The following PEAK1 variants were observed in gnomAD, a reference collection of about 807,000 sequenced individuals.
The protein encoded by PEAK1 is inactive tyrosine-protein kinase PEAK1.
In PEAK1, 54 loss-of-function variants were observed where a neutral mutation model predicts 124.7. The observed-to-expected ratio is 0.43, with a 90% CI of 0.35 to 0.54. The LOEUF is 0.54. PEAK1 is among the 20% of genes least tolerant of loss of function. The probability of loss-of-function intolerance (pLI) is 0.01; values close to 1 mark genes in which losing one functional copy is unlikely to be tolerated. For missense variants in PEAK1, 2,046 were observed against 2,134.5 expected (o/e 0.96, Z 0.82); for synonymous variants, 719 against 760.0 (o/e 0.95, Z 0.89).
chr15:77,220,055 T>C (rs998858380), intron 6 of PEAK1, among the ~76,000 whole-genome samples: 1 of 152,060 alleles, frequency 6.6e-6, no homozygotes, highest in African/African-American at 2.4e-5. Flanking sequence ...GCAATTTAGG[T>C]ATGACAAAAG....
chr15:77,247,455 ATTT>A (rs754252225), intron 6 of PEAK1, among the ~76,000 whole-genome samples: 59 of 100,196 alleles, frequency 5.9e-4, no homozygotes, highest in Non-Finnish European at 1.1e-3. Flanking sequence ...GGGGTTTTTA[ATTT>A]TTTTTTTCTC....
At chr15:77,230,336 A>T (rs2059856573) in intron 6 of PEAK1, among the ~76,000 whole-genome samples, 1 of 151,958 alleles carries the variant, frequency 6.6e-6, no homozygotes, top group Admixed American at 6.6e-5. Flanking sequence ...AGTAGCTGGG[A>T]TTACAGGTGT....
rs576025835 is a variant in PEAK1 at position 77,231,643 on chromosome 15, A to G, written c.-115+20724T>C. 2.0e-5 allele frequency among the ~76,000 whole-genome samples: 3 copies of G among 152,310 alleles called. No individual in the cohort carries two copies. In the South Asian group the frequency reaches 6.2e-4, roughly 32 times the overall value. On this transcript the variant is annotated intron_variant, in intron 6 of 9. Transcript: ENST00000682557. Reference sequence around the variant, plus strand: ...ATTTTCTTTTCAGATATGGTCAAAAACTTCAAATTTGAAAAATAAATATAG... The same window carrying G: ...ATTTTCTTTTCAGATATGGTCAAAAGCTTCAAATTTGAAAAATAAATATAG...
intron 2 of PEAK1, chr15:77,336,214 A>G (rs1450874556): frequency 2.0e-6 from 2 of 985,304 alleles, no homozygotes; most frequent in Admixed American, 6.1e-5. Context: ...AATCAGCCTC[A>G]TTCATGTTTG....
In PEAK1 at chr15:77,133,007, T is replaced by G; in HGVS notation, c.4075A>C (p.Lys1359Gln). ...AKDPLNNYAV[K>Q]ICKSKAKESQ... is the part of the protein sequence containing the mutation. ...TGAGATTTATAATATTTTCTTACCT[T>G]GACTGCATAGTTATTAAGTGGATCT... is the stretch of plus-strand genomic sequence containing the variant. Residue 1359 changes from lysine (K) to glutamine (Q), a missense_variant and splice_region_variant, in exon 9 of 10, where the codon AAG (lysine) becomes CAG (glutamine). Physicochemically the swap from Lys to Gln is moderately conservative, Grantham distance 53. Coordinates refer to ENST00000682557, the MANE Select transcript of PEAK1 (RefSeq NM_001385026.1). This position sits in a 1 kb window ranked among gnomAD's most constrained non-coding sequence, Gnocchi z 4.2. 1 of 1,603,678 alleles carries G rather than the reference T, an allele frequency of 6.2e-7. No homozygotes were observed. The highest frequency in any genetic ancestry group is 1.1e-5 in the South Asian group (1 of 90,676).
At chr15:77,378,329 ATCTC>A (rs1017680638) in intron 1 of PEAK1, among the ~76,000 whole-genome samples, 1 of 151,952 alleles carries the variant, frequency 6.6e-6, no homozygotes, top group Admixed American at 6.6e-5. Context: ...TTGAAAGATC[ATCTC>A]TCTCTCTTTG....
intron 2 of PEAK1, among the ~76,000 whole-genome samples, chr15:77,312,098 AG>A (rs1391428144): frequency 6.6e-6 from 1 of 152,152 alleles, no homozygotes; most frequent in Admixed American, 6.5e-5. Context: ...AATTTTTACA[AG>A]GTAGGAAAAA....
intron 2 of PEAK1, among the ~76,000 whole-genome samples, chr15:77,326,665 A>G (rs2065594376): frequency 6.6e-6 from 1 of 152,106 alleles, no homozygotes; most frequent in Admixed American, 6.6e-5. Flanking sequence ...TATCCTAGCA[A>G]TGTTGAAAAA....
rs928591098 is a variant in PEAK1 at position 77,417,462 on chromosome 15, G to C, written c.-666+2544C>G. The C allele has an allele frequency of 1.2e-4, 98 of 822,708 alleles. 1 individual carries two copies. In the East Asian group the frequency reaches 3.1e-3, roughly 26 times the overall value. 51.0% of individuals were successfully genotyped at this position (822,708 alleles called of 1,614,324 possible). ...AGTGGGGTGGGGGGATGCGGGGCGG[G>C]GGGGGAGGGGGGCAAGAGGTAGGAA... On this transcript the variant is annotated intron_variant, in intron 1 of 9. Coordinates refer to ENST00000682557, the MANE Select transcript of PEAK1 (RefSeq NM_001385026.1).
chr15:77,378,742 C>T (rs1477305339), intron 1 of PEAK1, among the ~76,000 whole-genome samples: 1 of 152,138 alleles, frequency 6.6e-6, no homozygotes, highest in Non-Finnish European at 1.5e-5. Flanking sequence ...AAATAAATCA[C>T]AATACCTTTG....
chr15:77,168,188 G>A (rs989271391), intron 7 of PEAK1, among the ~76,000 whole-genome samples: 1 of 151,724 alleles, frequency 6.6e-6, no homozygotes, highest in African/African-American at 2.4e-5. Flanking sequence ...GAAGTGCTGG[G>A]ATTTTCATTT....
intron 2 of PEAK1, among the ~76,000 whole-genome samples, chr15:77,324,528 C>T (rs1231733021): frequency 6.6e-6 from 1 of 152,152 alleles, no homozygotes; most frequent in Non-Finnish European, 1.5e-5. Context: ...AGGCTGTTCT[C>T]ACTTTGCTAT....
intron 1 of PEAK1, chr15:77,417,898 A>G: frequency 1.0e-6 from 1 of 984,168 alleles, no homozygotes; most frequent in Non-Finnish European, 1.2e-6. Context: ...AAAAACATGT[A>G]TGCAAATAAG....
At chr15:77,247,759 A>C (rs2060664546) in intron 6 of PEAK1, among the ~76,000 whole-genome samples, 1 of 151,762 alleles carries the variant, frequency 6.6e-6, no homozygotes, top group Non-Finnish European at 1.5e-5. Context: ...CATTTAATTT[A>C]TTGATATGGT....
At chr15:77,132,629 A>G (rs2052967485) in intron 9 of PEAK1, among the ~76,000 whole-genome samples, 2 of 146,586 alleles carry the variant, frequency 1.4e-5, no homozygotes, top group Non-Finnish European at 3.0e-5. Flanking sequence ...TGGGAGGCGG[A>G]GGTTGCAGTG....
intron 2 of PEAK1, chr15:77,333,525 T>C (rs938458577): frequency 4.7e-6 from 4 of 856,694 alleles, no homozygotes; most frequent in African/African-American, 3.7e-5. Context: ...TCTCCACTAC[T>C]TGATTATATA....
intron 2 of PEAK1, among the ~76,000 whole-genome samples, chr15:77,300,226 A>G (rs1323643396): frequency 6.6e-6 from 1 of 152,124 alleles, no homozygotes; most frequent in Non-Finnish European, 1.5e-5. Context: ...TTTAGAATGA[A>G]TAACTGCACT....
rs146643563 is a variant in PEAK1 at position 77,349,647 on chromosome 15, C to T, written c.-603+15516G>A. The T allele has an allele frequency of 2.3e-4, 228 of 984,626 alleles. No homozygotes were observed. In the Middle Eastern group the frequency reaches 4.7e-3, roughly 20 times the overall value. 61.0% of individuals were successfully genotyped at this position (984,626 alleles called of 1,614,324 possible). ...CTATCATTAATGACTCTAATATTCA[C>T]GTACTTCAAAATTACTTAATCAATC... On this transcript the variant is annotated intron_variant, in intron 2 of 9. Coordinates refer to ENST00000682557, the MANE Select transcript of PEAK1 (RefSeq NM_001385026.1).
At chr15:77,395,151 T>G (rs1215119700) in intron 1 of PEAK1, among the ~76,000 whole-genome samples, 1 of 151,988 alleles carries the variant, frequency 6.6e-6, no homozygotes, top group African/African-American at 2.4e-5. Flanking sequence ...AATACTGAAG[T>G]TGAAAAATGT....
Sources: gnomAD v4.1 joint callset for allele counts (sites outside exome capture counted in the v4.1 genomes callset) on GRCh38, gnomAD v4.1.1 for gene constraint, Gnocchi (gnomAD v3.1) non-coding constraint, MANE v1.5 for transcripts, NCBI Gene and HGNC (gene_info 2026-07-23, HGNC 2026-07-21) for gene names.